Variants in RAPGEF4 observed in about 807,000 individuals in gnomAD.
RAPGEF4 encodes the protein RAP guanine-nucleotide-exchange factor (GEF) 4.
In RAPGEF4, 66 loss-of-function variants were observed where a neutral mutation model predicts 147.9. The ratio of observed to expected loss-of-function variants is 0.45; its 90% CI spans 0.37 to 0.55. RAPGEF4 has a LOEUF of 0.55. Among genes scored for constraint, RAPGEF4 ranks in the 20% least tolerant of loss-of-function variants. The pLI, the probability that RAPGEF4 is intolerant of heterozygous loss-of-function variation, is 0.00. For synonymous variants in RAPGEF4, 419 were observed against 442.7 expected (o/e 0.95, Z 0.67); for missense variants, 1,071 against 1,257.3 (o/e 0.85, Z 2.24).
chr2:172,996,273 C>G (rs1323112828), intron 15 of RAPGEF4, among the ~76,000 whole-genome samples, 193 bp from the exon 16 acceptor site: 2 of 151,912 alleles, frequency 1.3e-5, no homozygotes, highest in Non-Finnish European at 2.9e-5. Context: ...AACGACTTCA[C>G]TTTGTGGGTT....
intron 4 of RAPGEF4, among the ~76,000 whole-genome samples, chr2:172,846,062 C>T (rs916072095): frequency 6.6e-6 from 1 of 152,188 alleles, no homozygotes; most frequent in African/African-American, 2.4e-5. Context: ...CTTATGACTC[C>T]CTTTGCAAAT....
chr2:172,940,422 G>C (rs1387728341), intron 6 of RAPGEF4, among the ~76,000 whole-genome samples: 3 of 152,042 alleles, frequency 2.0e-5, no homozygotes, highest in African/African-American at 2.4e-5. Flanking sequence ...GGTTGGTGCT[G>C]TCTTGGTGAT....
Position 172,961,260 on chromosome 2 carries a change from G to A in RAPGEF4, c.698+32G>A, listed in dbSNP as rs753564587. ...GTGCTAATTCTAAAGGCTGTGCCCCGCTCATATTCATGTTTAGTGAAAATG... is the reference window on the plus strand; with the variant it reads ...GTGCTAATTCTAAAGGCTGTGCCCCACTCATATTCATGTTTAGTGAAAATG... On this transcript the variant is annotated intron_variant, in intron 8 of 30. Transcript: ENST00000397081. 2.5e-5 allele frequency: 37 copies of A among 1,468,586 alleles called. No individual in the cohort carries two copies. The East Asian group carries it at 5.2e-4, about 21-fold the overall frequency. 91.0% of individuals were successfully genotyped at this position (1,468,586 alleles called of 1,614,324 possible).
At position 172,931,951 on chromosome 2, in the gene RAPGEF4, G is replaced by A. The variant is rs1256198394; in HGVS notation, c.537+9651G>A. ...GGTAATGCTTCCCTTTCCCCTTCCCGCCACTCCTCACACCCCTTGACTCCC... is the reference window on the plus strand; with the variant it reads ...GGTAATGCTTCCCTTTCCCCTTCCCACCACTCCTCACACCCCTTGACTCCC... On this transcript the variant is annotated intron_variant, in intron 6 of 30. Transcript: ENST00000397081. 4.6e-5 allele frequency among the ~76,000 whole-genome samples: 7 copies of A among 151,518 alleles called. No homozygotes were observed. The East Asian group carries it at 9.7e-4, about 21-fold the overall frequency.
intron 1 of RAPGEF4, among the ~76,000 whole-genome samples, chr2:172,767,739 ACTGT>A (rs1696984927): frequency 1.3e-5 from 2 of 152,180 alleles, no homozygotes; most frequent in South Asian, 2.1e-4. Flanking sequence ...CCTCCAAATA[ACTGT>A]CTGTGAAATG....
intron 4 of RAPGEF4, among the ~76,000 whole-genome samples, chr2:172,897,732 C>CTATTT (rs71018523): frequency 0.15 from 20,575 of 134,020 alleles, 1,760 homozygotes; most frequent in Middle Eastern, 0.28. Flanking sequence ...GAGTTTTCAT[C>CTATTT]TATTTTATTT....
At chr2:172,960,990 A>G (rs1689230924) in intron 7 of RAPGEF4, 132 bp from the exon 8 acceptor site, 3 of 839,814 alleles carry the variant, frequency 3.6e-6, no homozygotes, top group Admixed American at 2.3e-5. Context: ...AAGTGAACAA[A>G]GTAAAGCACT....
intron 4 of RAPGEF4, among the ~76,000 whole-genome samples, chr2:172,841,523 A>G (rs1691596211): frequency 2.6e-5 from 4 of 152,072 alleles, no homozygotes; most frequent in Admixed American, 2.0e-4. Context: ...TTTGGATATA[A>G]TTTTGGACAT....
chr2:172,975,318 T>C (rs191970411), intron 10 of RAPGEF4, among the ~76,000 whole-genome samples: 4 of 152,282 alleles, frequency 2.6e-5, no homozygotes, highest in East Asian at 1.9e-4. Context: ...ATCACTAATA[T>C]TTGAATACCA....
chr2:172,963,662 G>A (rs1689528562), intron 8 of RAPGEF4, among the ~76,000 whole-genome samples: 1 of 152,128 alleles, frequency 6.6e-6, no homozygotes, highest in Non-Finnish European at 1.5e-5. Flanking sequence ...AATAACCACA[G>A]GACTCAACTG....
intron 1 of RAPGEF4, among the ~76,000 whole-genome samples, chr2:172,783,289 C>A (rs1684856850): frequency 6.6e-6 from 1 of 152,178 alleles, no homozygotes; most frequent in South Asian, 2.1e-4. Context: ...TGCTTAAGGG[C>A]AAAATTGTGG....
rs763614631 is a variant in RAPGEF4, at chr2:173,026,709, G to C, written c.2379+12G>C. The C allele has an allele frequency of 5.0e-6, 8 of 1,613,038 alleles. No individual in the cohort carries two copies. In the African/African-American group the frequency reaches 1.1e-4, roughly 22 times the overall value. On this transcript the variant is annotated intron_variant, in intron 24 of 30. Coordinates refer to ENST00000397081, the MANE Select transcript of RAPGEF4 (RefSeq NM_007023.4). ...ACTGCGTGCATGAGGTAAGATGCAG[G>C]ATCAGATGTGTTAGTAGCTGAGATA...
upstream of RAPGEF4, chr2:172,735,703 CCG>C (rs1239566828): frequency 6.3e-6 from 1 of 159,016 alleles, no homozygotes; most frequent in Non-Finnish European, 1.4e-5. Context: ...GGTCCCCACC[CCG>C]GGGCGGAATC....
intron 5 of RAPGEF4, 27 bp from the exon 6 acceptor site, chr2:172,922,254 T>C (rs776829069): frequency 1.9e-6 from 3 of 1,603,948 alleles, no homozygotes; most frequent in Admixed American, 3.3e-5. Context: ...ATTCATGGCC[T>C]CTCTCTGTCT....
intron 3 of RAPGEF4, among the ~76,000 whole-genome samples, chr2:172,803,155 C>G (rs1687143793): frequency 6.6e-6 from 1 of 152,150 alleles, no homozygotes. Context: ...TTTCACAGCT[C>G]CACTAGGGGT....
chr2:173,015,633 G>A (rs944983890), intron 18 of RAPGEF4, among the ~76,000 whole-genome samples: 1 of 152,148 alleles, frequency 6.6e-6, no homozygotes, highest in Non-Finnish European at 1.5e-5. Context: ...CTGAGTACAG[G>A]ACCATTTTGT....
At chr2:172,813,489 G>C (rs1314296716) in intron 3 of RAPGEF4, among the ~76,000 whole-genome samples, 1 of 152,076 alleles carries the variant, frequency 6.6e-6, no homozygotes, top group African/African-American at 2.4e-5. Context: ...TTACTCTGTT[G>C]TGGCTGCAGG....
chr2:173,028,610 T>C (rs12615974), intron 25 of RAPGEF4, among the ~76,000 whole-genome samples: 19,683 of 152,164 alleles, frequency 0.13, 1,345 homozygotes, highest in Middle Eastern at 0.16. Context: ...TTTAGGTGAA[T>C]GAGTAGGTGG....
intron 4 of RAPGEF4, among the ~76,000 whole-genome samples, chr2:172,906,651 A>G (rs933017347): frequency 3.3e-5 from 5 of 152,198 alleles, no homozygotes; most frequent in Non-Finnish European, 5.9e-5. Context: ...CAGCAGTTGC[A>G]TGCCACTCTG....
Sources: allele counts gnomAD v4.1 joint callset (sites outside exome capture counted in the v4.1 genomes callset), GRCh38; gene constraint gnomAD v4.1.1; transcripts MANE v1.5; gene names NCBI Gene and HGNC (gene_info 2026-07-23, HGNC 2026-07-21).